The following BORA variants were observed in gnomAD, a reference collection of about 807,000 sequenced individuals.
The protein encoded by BORA is protein aurora borealis.
BORA carries 26 observed loss-of-function variants against 55.8 expected under a neutral mutation model. The ratio of observed to expected loss-of-function variants is 0.47; its 90% CI spans 0.34 to 0.65. The LOEUF (loss-of-function observed/expected upper bound fraction) is 0.65, where lower values mean the gene tolerates loss of function less well. Ranked by LOEUF, BORA falls within the 30% of genes least tolerant of loss-of-function variation. The pLI is 0.01. For synonymous variants in BORA, 201 were observed against 216.9 expected, an observed-to-expected ratio of 0.93 and a Z score of 0.64; for missense variants, 568 against 671.5, an observed-to-expected ratio of 0.85 and a Z score of 1.70.
At chr13:72,743,807 CTTGACTTCCCG>C (rs1179891590) in intron 6 of BORA, among the ~76,000 whole-genome samples, 1 of 151,860 alleles carries the variant, frequency 6.6e-6, no homozygotes, top group Non-Finnish European at 1.5e-5. Context: ...TCATTGCAAC[CTTGACTTCCCG>C]TTGACTTCCC....
chr13:72,755,673 T>G lies in BORA; in HGVS notation c.*457T>G. 1 of 390,974 alleles carries G rather than the reference T, an allele frequency of 2.6e-6. No homozygotes were observed. The highest frequency in any genetic ancestry group is 4.5e-6 in the Non-Finnish European group (1 of 221,784). 24.2% of individuals were successfully genotyped at this position (390,974 alleles called of 1,614,324 possible). A position where few individuals can be genotyped will look rare whatever the true frequency, so the allele number is the denominator to read the frequency against. ...AAGAAATCTTAGATATAAAACTAAC[T>G]TTTCAAAGATACAAAAGAAATTAAA... On this transcript the variant is annotated 3_prime_UTR_variant, in exon 12 of 12. Coordinates refer to ENST00000390667, the MANE Select transcript of BORA (RefSeq NM_024808.5).
At chr13:72,744,769 A>G (rs1271677527) in intron 7 of BORA, among the ~76,000 whole-genome samples, 1 of 152,236 alleles carries the variant, frequency 6.6e-6, no homozygotes, top group Non-Finnish European at 1.5e-5. Flanking sequence ...CAGAAACTAT[A>G]AACATTTTAT....
At chr13:72,731,025 A>G (rs1383735353) in intron 2 of BORA, among the ~76,000 whole-genome samples, 1 of 151,998 alleles carries the variant, frequency 6.6e-6, no homozygotes, top group Non-Finnish European at 1.5e-5. Flanking sequence ...CTGAGATTAC[A>G]CCAGTGCACT....
intron 3 of BORA, among the ~76,000 whole-genome samples, chr13:72,732,997 A>G (rs1206518910): frequency 6.6e-6 from 1 of 152,208 alleles, no homozygotes; most frequent in African/African-American, 2.4e-5. Context: ...TAAATGATAT[A>G]TTGTCTGCAA....
intron 10 of BORA, among the ~76,000 whole-genome samples, chr13:72,749,933 C>T (rs953702211): frequency 6.6e-6 from 1 of 152,166 alleles, no homozygotes; most frequent in Non-Finnish European, 1.5e-5. Context: ...AATCAGACCA[C>T]TAATGCAGCA....
intron 2 of BORA, among the ~76,000 whole-genome samples, chr13:72,731,073 A>AAG (rs373962881): frequency 7.2e-5 from 11 of 151,834 alleles, no homozygotes; most frequent in Non-Finnish European, 1.5e-4. Flanking sequence ...GTCTTAAACA[A>AAG]AGAGAGAGAG....
chr13:72,738,296 A>G (rs1055788431), intron 5 of BORA, among the ~76,000 whole-genome samples: 1 of 152,184 alleles, frequency 6.6e-6, no homozygotes, highest in Non-Finnish European at 1.5e-5. Flanking sequence ...TGATGGTTAT[A>G]GAGGATCCAT....
Position 72,753,826 on chromosome 13 carries a change from G to A in BORA, c.1614+5G>A, listed in dbSNP as rs762284620. 27 of 1,608,676 alleles carry A rather than the reference G, an allele frequency of 1.7e-5. No individual in the cohort carries two copies. Among genetic ancestry groups the A allele is most frequent in the East Asian group, 2.2e-5 (1 of 44,716 alleles). On this transcript the variant is annotated splice_donor_5th_base_variant and intron_variant, in intron 11 of 11. Transcript: ENST00000390667. ...TCTCAAGCATTTAATATGAAGGTAC[G>A]GAGAAAATATAGTGAAAGCTTAATA... is the stretch of plus-strand genomic sequence containing the variant.
chr13:72,745,265 T>C, intron 8 of BORA, 58 bp downstream of exon 8: 1 of 1,430,122 alleles, frequency 7.0e-7, no homozygotes, highest in Non-Finnish European at 9.8e-7. Flanking sequence ...AACCCACATT[T>C]TGTTGTTGTT....
At chr13:72,733,084 A>G (rs1488109754) in intron 3 of BORA, among the ~76,000 whole-genome samples, 1 of 152,210 alleles carries the variant, frequency 6.6e-6, no homozygotes, top group Admixed American at 6.5e-5. Flanking sequence ...GTGGGAAAAT[A>G]TTATAATTTA....
intron 5 of BORA, among the ~76,000 whole-genome samples, chr13:72,739,350 T>C (rs9573023): frequency 0.99 from 150,227 of 152,294 alleles, 74,129 homozygotes; most frequent in Middle Eastern, 1. Context: ...CTCTTTGAAA[T>C]CTAATCAAGC....
intron 4 of BORA, among the ~76,000 whole-genome samples, chr13:72,735,532 A>T (rs2032904454): frequency 6.6e-6 from 1 of 152,222 alleles, no homozygotes; most frequent in Non-Finnish European, 1.5e-5. Flanking sequence ...TTTCTAAAAA[A>T]TAAAAATAAT....
intron 7 of BORA, 107 bp from the exon 8 acceptor site, chr13:72,744,874 A>T: frequency 9.5e-7 from 1 of 1,052,618 alleles, no homozygotes; most frequent in Non-Finnish European, 1.4e-6. Flanking sequence ...TCTTTTTGGG[A>T]AAAAATTCAA....
At chr13:72,739,306 G>A (rs1013162583) in intron 5 of BORA, among the ~76,000 whole-genome samples, 6 of 152,116 alleles carry the variant, frequency 3.9e-5, no homozygotes, top group African/African-American at 1.4e-4. Context: ...TTCAAGTGAT[G>A]CAGGATCAAG....
At position 72,743,553 on chromosome 13, in the gene BORA, T is replaced by C. The variant is rs765979426; in HGVS notation, c.405T>C (p.Ser135=). ...GTCTTACAGGCACTAACATAAATAG[T>C]GACTCTCCAGTTGGAAAAAAGCTGA... is the stretch of plus-strand genomic sequence containing the variant. The part of the protein sequence containing the change: ...CHSSKCTNIN[S]DSPVGKKLTI... The change falls in exon 6 of 12, where the codon AGT becomes AGC. Residue 135 remains serine (S), a synonymous_variant. Transcript: ENST00000390667. 6.2e-7 allele frequency: 1 copy of C among 1,610,588 alleles called. No individual in the cohort carries two copies. Among genetic ancestry groups the C allele is most frequent in the South Asian group, 1.1e-5 (1 of 90,740 alleles).
intron 11 of BORA, 46 bp downstream of exon 11, chr13:72,753,867 A>G: frequency 6.6e-7 from 1 of 1,517,766 alleles, no homozygotes; most frequent in East Asian, 2.4e-5. Flanking sequence ...TAGATTAGAA[A>G]TATAAAATAA....
Position 72,756,091 on chromosome 13 carries a change from A to G in BORA, c.*875A>G. 4 of 397,150 alleles carry G rather than the reference A, an allele frequency of 1.0e-5. No homozygotes were observed. The allele number at this position is 397,150 out of a possible 1,614,324, so 24.6% of individuals were successfully genotyped here. A position where few individuals can be genotyped will look rare whatever the true frequency, so the allele number is the denominator to read the frequency against. On this transcript the variant is annotated 3_prime_UTR_variant, in exon 12 of 12. Coordinates refer to ENST00000390667, the MANE Select transcript of BORA (RefSeq NM_024808.5). ...ATATCCATGTTGGGAGTAGATGGGT[A>G]TATAACAGTTTGGAAATACTATCTT...
At chr13:72,754,617 G>C (rs1459505166) in intron 11 of BORA, 1 of 152,246 alleles carries the variant, frequency 6.6e-6, no homozygotes, top group Admixed American at 6.5e-5. Context: ...ATCAGAGCAG[G>C]TCTCTTCTAA....
chr13:72,740,696 A>C (rs927774739), intron 5 of BORA, among the ~76,000 whole-genome samples: 3 of 152,188 alleles, frequency 2.0e-5, no homozygotes, highest in African/African-American at 7.2e-5. Flanking sequence ...CTGTACCACA[A>C]AAGTAGCCGC....
Sources: allele counts gnomAD v4.1 joint callset (sites outside exome capture counted in the v4.1 genomes callset), GRCh38; gene constraint gnomAD v4.1.1; transcripts MANE v1.5; gene names NCBI Gene and HGNC (gene_info 2026-07-23, HGNC 2026-07-21).